Variants in AFTPH observed in about 807,000 individuals in gnomAD.
The protein encoded by AFTPH is aftiphilin.
In AFTPH, 7 loss-of-function variants were observed where a neutral mutation model predicts 72.5. The ratio of observed to expected loss-of-function variants is 0.10; its 90% confidence interval spans 0.05 to 0.18. AFTPH has a LOEUF of 0.18. AFTPH is among the 10% of genes least tolerant of loss of function. AFTPH has a pLI of 1.00. For synonymous variants in AFTPH, 337 were observed against 370.1 expected (o/e 0.91, Z 1.03); for missense variants, 979 against 1,060.5 (o/e 0.92, Z 1.07).
intron 2 of AFTPH, among the ~76,000 whole-genome samples, chr2:64,553,764 A>G (rs1486865593): frequency 6.7e-6 from 1 of 149,660 alleles, no homozygotes; most frequent in Non-Finnish European, 1.5e-5. Flanking sequence ...ATCCTTCAGT[A>G]TTACCCTTTA....
At chr2:64,528,223 C>T (rs1017438590) in intron 1 of AFTPH, among the ~76,000 whole-genome samples, 25 of 152,174 alleles carry the variant, frequency 1.6e-4, no homozygotes, top group Admixed American at 3.3e-4. Context: ...TAAATATTTA[C>T]AGTATACCAT....
chr2:64,585,277 A>T (rs1673439271), intron 7 of AFTPH, 145 bp from the exon 9 acceptor site: 2 of 940,422 alleles, frequency 2.1e-6, no homozygotes, highest in East Asian at 5.3e-5. Flanking sequence ...TAAAAAATAA[A>T]TGCAGTATTG....
chr2:64,569,608 C>G lies in AFTPH; in HGVS notation c.2215-15C>G, dbSNP rs1672298048. ...TTCTCTAAATATATGTTCTTTCTGT[C>G]TAACGTGTGTGTAGCTCTTCACGGG... On this transcript the variant is annotated splice_polypyrimidine_tract_variant and intron_variant, in intron 4 of 8. Transcript: ENST00000238856. 3 of 1,612,520 alleles carry G rather than the reference C, an allele frequency of 1.9e-6. No individual in the cohort carries two copies. Among genetic ancestry groups the G allele is most frequent in the Non-Finnish European group, 8.5e-7 (1 of 1,178,914 alleles).
chr2:64,572,211 ACT>A lies in AFTPH; in HGVS notation c.2272-732_2272-731del, dbSNP rs1672477596. 1.2e-4 allele frequency among the ~76,000 whole-genome samples: 17 copies of A among 136,510 alleles called. No individual in the cohort carries two copies. The South Asian group carries it at 4.2e-3, about 34-fold the overall frequency. The allele number at this position is 136,510 out of a possible 152,430, so 89.6% of individuals were successfully genotyped here. A position where few individuals can be genotyped will look rare whatever the true frequency, so the allele number is the denominator to read the frequency against. On this transcript the variant is annotated intron_variant, in intron 5 of 8. Transcript: ENST00000238856. ...CTCCATCCTGGGCAACAGGAGCAAA[ACT>A]CTGTCTCAAAAAAAAAAAAAAAAGG...
At chr2:64,563,492 G>A (rs981994092) in intron 2 of AFTPH, among the ~76,000 whole-genome samples, 48 of 152,232 alleles carry the variant, frequency 3.2e-4, no homozygotes, top group African/African-American at 1.1e-3. Context: ...AAAAAAACCT[G>A]TCTGGTCATA....
chr2:64,589,227 TATGAGGTAGGAGTCCACATTC>T (rs2104263948), intron 8 of AFTPH, among the ~76,000 whole-genome samples: 1 of 152,280 alleles, frequency 6.6e-6, no homozygotes, highest in East Asian at 1.9e-4. Flanking sequence ...CTGTATATGG[TATGAGGTAGGAGTCCACATTC>T]ATTCTTGTGC....
exon 9 of AFTPH, chr2:64,591,966 T>G: frequency 6.2e-7 from 1 of 1,614,072 alleles, no homozygotes; most frequent in Non-Finnish European, 8.5e-7. Flanking sequence ...CATTCATGCA[T>G]GCCAAGGTGT....
At chr2:64,573,635 A>C (rs747269818) in intron 6 of AFTPH, among the ~76,000 whole-genome samples, 2 of 152,154 alleles carry the variant, frequency 1.3e-5, no homozygotes, top group Non-Finnish European at 2.9e-5. Context: ...CTTTAACTAA[A>C]CAATCTATGG....
intron 1 of AFTPH, among the ~76,000 whole-genome samples, chr2:64,528,475 TAAGC>T (rs1669416680): frequency 6.6e-6 from 1 of 152,156 alleles, no homozygotes; most frequent in African/African-American, 2.4e-5. Context: ...AGCAATAAAA[TAAGC>T]AATAGCAATA....
chr2:64,533,214 A>G (rs1572939971), intron 1 of AFTPH, among the ~76,000 whole-genome samples: 1 of 152,140 alleles, frequency 6.6e-6, no homozygotes, highest in African/African-American at 2.4e-5. Flanking sequence ...CCTGGGCAAC[A>G]TGACAAAACC....
chr2:64,591,797 GCTAA>G (rs1291166693), intron 8 of AFTPH, 87 bp from the exon 10 acceptor site: 1 of 1,387,040 alleles, frequency 7.2e-7, no homozygotes, highest in Non-Finnish European at 1.0e-6. Context: ...CCCACAGATT[GCTAA>G]CTGTCTACCT....
At chr2:64,589,286 G>A (rs922312299) in intron 8 of AFTPH, among the ~76,000 whole-genome samples, 5 of 152,152 alleles carry the variant, frequency 3.3e-5, no homozygotes, top group Non-Finnish European at 7.4e-5. Context: ...TCTGAAAACT[G>A]TTGAAATGAT....
chr2:64,579,716 A>T, intron 7 of AFTPH, 170 bp downstream of exon 7: 2 of 547,638 alleles, frequency 3.7e-6, no homozygotes, highest in East Asian at 2.9e-5. Context: ...ACCAGCCGTT[A>T]CTATTATCAA....
exon 2 of AFTPH, chr2:64,553,345 C>T (rs1416053354): frequency 6.2e-7 from 1 of 1,611,096 alleles, no homozygotes; most frequent in East Asian, 2.2e-5. Context: ...CACAGTGTAC[C>T]TTCAGCAACT....
At chr2:64,563,477 T>C (rs998674705) in intron 2 of AFTPH, among the ~76,000 whole-genome samples, 1 of 152,230 alleles carries the variant, frequency 6.6e-6, no homozygotes, top group Admixed American at 6.5e-5. Flanking sequence ...AAAATCTATT[T>C]CCTGAAAAAA....
At chr2:64,536,036 T>C (rs541364885) in intron 1 of AFTPH, among the ~76,000 whole-genome samples, 14 of 152,330 alleles carry the variant, frequency 9.2e-5, no homozygotes, top group Admixed American at 8.5e-4. Context: ...ACACTCAGAT[T>C]TCTAGACTTA....
At chr2:64,536,843 T>C (rs1431963862) in intron 1 of AFTPH, among the ~76,000 whole-genome samples, 3 of 150,808 alleles carry the variant, frequency 2.0e-5, no homozygotes, top group Non-Finnish European at 3.0e-5. Flanking sequence ...GTCCCAGTTA[T>C]TTGGGTGGCT....
chr2:64,579,665 G>A, intron 7 of AFTPH, 119 bp downstream of exon 7: 1 of 851,780 alleles, frequency 1.2e-6, no homozygotes, highest in Non-Finnish European at 1.8e-6. Flanking sequence ...TCTTATCTTT[G>A]GAAATTCAGG....
intron 5 of AFTPH, among the ~76,000 whole-genome samples, chr2:64,570,884 A>G (rs1301481444): frequency 2.5e-5 from 3 of 121,936 alleles, no homozygotes; most frequent in Admixed American, 9.8e-5. Flanking sequence ...TACTATTTCT[A>G]TGGACTTTTT....
Sources: gnomAD v4.1 joint callset for allele counts (sites outside exome capture counted in the v4.1 genomes callset) on GRCh38, gnomAD v4.1.1 for gene constraint, MANE v1.5 for transcripts, NCBI Gene and HGNC (gene_info 2026-07-23, HGNC 2026-07-21) for gene names.